The following LDHAL6A variants were observed in gnomAD, a reference collection of about 807,000 sequenced individuals.
LDHAL6A encodes the protein L-lactate dehydrogenase A-like 6A.
Under a neutral mutation model 28.2 loss-of-function variants are expected in LDHAL6A, and 19 were observed. The ratio of observed to expected loss-of-function variants is 0.67; its 90% CI spans 0.47 to 0.99. LDHAL6A has a LOEUF of 0.99. LDHAL6A is among the 50% of genes least tolerant of loss of function. LDHAL6A has a pLI of 0.00. For missense variants in LDHAL6A, 372 were observed against 398.6 expected (o/e 0.93, Z 0.57); for synonymous variants, 144 against 134.4 (o/e 1.07, Z -0.49).
chr11:18,457,742 G>T (rs920045636), intron 1 of LDHAL6A, among the ~76,000 whole-genome samples: 4 of 152,032 alleles, frequency 2.6e-5, no homozygotes, highest in African/African-American at 9.7e-5. Context: ...TCCACGTATT[G>T]CCCAGGCTGC....
At position 18,478,019 on chromosome 11, in the gene LDHAL6A, A is replaced by T. The variant is rs368651975; in HGVS notation, c.834+276A>T. Among the ~76,000 whole-genome samples the T allele has an allele frequency of 2.8e-4, 42 of 152,314 alleles. No homozygotes were observed. In the East Asian group the frequency reaches 3.5e-3, roughly 13 times the overall value. On this transcript the variant is annotated intron_variant, in intron 6 of 6. Transcript: ENST00000280706. ...GTGAACTGATTCTACCAGTATCTAG[A>T]AACATTGGGAACCACTATGGGCAGA...
intron 1 of LDHAL6A, among the ~76,000 whole-genome samples, 177 bp from the exon 2 acceptor site, chr11:18,463,784 G>C (rs1848982464): frequency 6.6e-6 from 1 of 152,122 alleles, no homozygotes; most frequent in African/African-American, 2.4e-5. Context: ...TTTGTAATTT[G>C]TATTTTTTCT....
chr11:18,469,758 C>T (rs61882885), intron 3 of LDHAL6A, among the ~76,000 whole-genome samples: 29,005 of 151,974 alleles, frequency 0.19, 3,136 homozygotes, highest in East Asian at 0.43. Context: ...TTAAAATGGT[C>T]CACTAAGAAC....
intron 3 of LDHAL6A, chr11:18,468,591 C>T (rs1230169437): frequency 6.6e-6 from 1 of 152,176 alleles, no homozygotes; most frequent in Admixed American, 6.6e-5. Flanking sequence ...CTGCCCACCT[C>T]AGCCTCCCAA....
At chr11:18,464,976 T>TTTTTTC (rs1849012886) in intron 2 of LDHAL6A, among the ~76,000 whole-genome samples, 1 of 9,556 alleles carries the variant, frequency 1.0e-4, no homozygotes, top group Non-Finnish European at 2.4e-4. Context: ...GTGTTTTTTT[T>TTTTTTC]GTTTTTTTTT....
At position 18,478,892 on chromosome 11, in the gene LDHAL6A, T is replaced by C. The variant is rs745708081; in HGVS notation, c.*22T>C. On this transcript the variant is annotated 3_prime_UTR_variant, in exon 7 of 7. Coordinates refer to ENST00000280706, the MANE Select transcript of LDHAL6A (RefSeq NM_144972.5). ...TTAAAGTTGCTTAAAGCTAATTCTG[T>C]AGATTGAAGATGAAATAGTAGTTAT... The C allele has an allele frequency of 1.9e-6, 3 of 1,578,936 alleles. No homozygotes were observed. Among genetic ancestry groups the C allele is most frequent in the Non-Finnish European group, 2.6e-6 (3 of 1,160,352 alleles).
At chr11:18,462,465 G>C (rs543084368) in intron 1 of LDHAL6A, among the ~76,000 whole-genome samples, 1 of 151,664 alleles carries the variant, frequency 6.6e-6, no homozygotes, top group South Asian at 2.1e-4. Context: ...GTGAAACCCC[G>C]TCTCTACTAA....
intron 1 of LDHAL6A, among the ~76,000 whole-genome samples, chr11:18,459,233 A>G (rs1299762568): frequency 1.3e-5 from 2 of 152,216 alleles, no homozygotes; most frequent in African/African-American, 4.8e-5. Context: ...AGCTGCCAGC[A>G]CGTCTAGGAT....
In LDHAL6A at chr11:18,476,268, C is replaced by T. The variant is rs560432248; in HGVS notation, c.593-116C>T. ...AATATCTGGAGTGGGGCTCAGATATCGGAACATTCCTAGTTGGAAATCACT... is the reference window on the plus strand; with the variant it reads ...AATATCTGGAGTGGGGCTCAGATATTGGAACATTCCTAGTTGGAAATCACT... On this transcript the variant is annotated intron_variant, in intron 4 of 6. Transcript: ENST00000280706. The T allele has an allele frequency of 7.3e-5, 86 of 1,185,082 alleles. 1 individual carries two copies. Among genetic ancestry groups the T allele is most frequent in the South Asian group, 7.0e-4 (37 of 52,594 alleles). 73.4% of individuals were successfully genotyped at this position (1,185,082 alleles called of 1,614,324 possible).
chr11:18,478,699 C>CA lies in LDHAL6A; in HGVS notation c.835-7_835-6insA, dbSNP rs1413914330. On this transcript the variant is annotated splice_polypyrimidine_tract_variant and splice_region_variant and intron_variant, in intron 6 of 6. Coordinates refer to ENST00000280706, the MANE Select transcript of LDHAL6A (RefSeq NM_144972.5). ...AAAAGGAATAATTTTTAAGTCTTTA[C>CA]TTTCAGGGCCTCTATGGAATAAATG... 6 of 1,595,722 alleles carry CA rather than the reference C, an allele frequency of 3.8e-6. No individual in the cohort carries two copies. The African/African-American group carries it at 4.1e-5, about 11-fold the overall frequency.
rs1458600172 is a variant in LDHAL6A at position 18,456,644 on chromosome 11, T to C, written c.-37T>C. 1 of 1,609,468 alleles carries C rather than the reference T, an allele frequency of 6.2e-7. No homozygotes were observed. Among genetic ancestry groups the C allele is most frequent in the African/African-American group, 1.3e-5 (1 of 74,774 alleles). The stretch of plus-strand genomic sequence containing the variant: ...CATTTCCAATTCCAGGTCTTGGAAA[T>C]GGCTGTGCAATTTGTCTTCACTGTT... On this transcript the variant is annotated 5_prime_UTR_variant, in exon 1 of 7. An upstream start codon of the reference 5' UTR is lost. Coordinates refer to ENST00000280706, the MANE Select transcript of LDHAL6A (RefSeq NM_144972.5).
chr11:18,465,431 T>G (rs911177387), intron 2 of LDHAL6A, among the ~76,000 whole-genome samples: 4 of 64,104 alleles, frequency 6.2e-5, no homozygotes, highest in African/African-American at 2.0e-4. Flanking sequence ...CTTACGTTTT[T>G]TTTTTTTTTT....
At chr11:18,468,335 G>GT (rs536487127) in intron 3 of LDHAL6A, 17,538 of 142,432 alleles carry the variant, frequency 0.12, 1,159 homozygotes, top group South Asian at 0.25. Context: ...GGATGTATAG[G>GT]TTTTTTTTTT....
intron 1 of LDHAL6A, among the ~76,000 whole-genome samples, chr11:18,461,932 C>T (rs1848921480): frequency 6.6e-6 from 1 of 151,112 alleles, no homozygotes. Flanking sequence ...AGGCGGATCA[C>T]TTGAGTCCTG....
chr11:18,457,122 G>C (rs1848779844), intron 1 of LDHAL6A, among the ~76,000 whole-genome samples: 1 of 152,152 alleles, frequency 6.6e-6, no homozygotes, highest in South Asian at 2.1e-4. Flanking sequence ...AGAAATAGGT[G>C]GCAGAAAAGA....
intron 3 of LDHAL6A, chr11:18,469,139 A>G: frequency 1.7e-6 from 1 of 571,724 alleles, no homozygotes; most frequent in Non-Finnish European, 3.1e-6. Context: ...CTGTGGAGAG[A>G]TTCTGATATG....
chr11:18,476,509 G>C lies in LDHAL6A; in HGVS notation c.710+8G>C. 2 of 1,612,864 alleles carry C rather than the reference G, an allele frequency of 1.2e-6. No homozygotes were observed. The highest frequency in any genetic ancestry group is 2.2e-5 in the South Asian group (2 of 90,858). ...CAAAAAAGTGATTTCCAGGTAATATGCTAGTTTCACATTTTCAGTACCTTA... is the reference window on the plus strand; with the variant it reads ...CAAAAAAGTGATTTCCAGGTAATATCCTAGTTTCACATTTTCAGTACCTTA... On this transcript the variant is annotated splice_region_variant and intron_variant, in intron 5 of 6. Transcript: ENST00000280706.
At chr11:18,466,319 A>C (rs1849072973) in intron 3 of LDHAL6A, among the ~76,000 whole-genome samples, 1 of 152,086 alleles carries the variant, frequency 6.6e-6, no homozygotes, top group African/African-American at 2.4e-5. Flanking sequence ...TGTACTTTGC[A>C]CAGTGGTAAT....
At chr11:18,465,878 A>G (rs2658563) in intron 3 of LDHAL6A, 68 bp downstream of exon 3, 885,992 of 1,233,718 alleles carry the variant, frequency 0.72, 320,990 homozygotes, top group East Asian at 0.9. Flanking sequence ...TCATTACATG[A>G]GTATACTGTG....
Sources: gnomAD v4.1 joint callset for allele counts (sites outside exome capture counted in the v4.1 genomes callset) on GRCh38, gnomAD v4.1.1 for gene constraint, MANE v1.5 for transcripts, NCBI Gene and HGNC (gene_info 2026-07-23, HGNC 2026-07-21) for gene names.